Variants in XPA observed in about 807,000 individuals in gnomAD.
XPA encodes the protein DNA repair protein complementing XP-A cells.
In XPA, 27 loss-of-function variants were observed where a neutral mutation model predicts 35.7. The ratio of observed to expected loss-of-function variants is 0.76; its 90% CI spans 0.56 to 1.04. The LOEUF (loss-of-function observed/expected upper bound fraction) is 1.04, where lower values mean the gene tolerates loss of function less well. Among genes scored for constraint, XPA ranks in the 50% least tolerant of loss-of-function variants. XPA has a pLI of 0.00. For synonymous variants in XPA, 133 were observed against 118.4 expected (o/e 1.12, Z -0.80); for missense variants, 354 against 342.7 (o/e 1.03, Z -0.26).
the XPA span, chr9:97,669,094 A>G: frequency 8.4e-7 from 1 of 1,183,822 alleles, no homozygotes; most frequent in Admixed American, 2.7e-5. Context: ...AAGAGATTAA[A>G]AATACAAAAA....
At chr9:97,667,418 G>A in the XPA span, among the ~76,000 whole-genome samples, 33,566 of 152,026 alleles carry the variant, frequency 0.22, 4,550 homozygotes, top group Non-Finnish European at 0.31. Flanking sequence ...AGTAGAAGGT[G>A]AAAAAAAGTT....
intron 5 of XPA, 140 bp from the exon 6 acceptor site, chr9:97,675,727 A>G: frequency 2.8e-6 from 3 of 1,085,244 alleles, no homozygotes; most frequent in Non-Finnish European, 4.1e-6. Flanking sequence ...CCTTAATTTT[A>G]TAACAAAGTT....
the XPA span, chr9:97,660,891 A>T: frequency 6.5e-7 from 1 of 1,539,760 alleles, no homozygotes; most frequent in South Asian, 1.2e-5. Flanking sequence ...ACTGTTCATT[A>T]GAATAGTCTT....
At chr9:97,682,152 C>G (rs1458483155) in intron 5 of XPA, 1 of 395,146 alleles carries the variant, frequency 2.5e-6, no homozygotes, top group East Asian at 7.1e-5. Flanking sequence ...TCTCAAACTG[C>G]TAAAGTAGAA....
At chr9:97,671,369 A>G (rs1828187906), downstream of XPA, 2 of 548,542 alleles carry the variant, frequency 3.6e-6, no homozygotes, top group Non-Finnish European at 6.4e-6. Context: ...TGCCCTGAAA[A>G]GCAAATACTT....
intron 5 of XPA, 188 bp from the exon 6 acceptor site, chr9:97,675,775 C>G: frequency 1.5e-6 from 1 of 678,666 alleles, no homozygotes. Flanking sequence ...TCTTACCTCA[C>G]TAGTTCGGCC....
chr9:97,656,040 G>C, the XPA span: 1 of 1,614,066 alleles, frequency 6.2e-7, no homozygotes, highest in South Asian at 1.1e-5. Flanking sequence ...GATCCTGAAA[G>C]TCCCAAACCG....
At chr9:97,669,219 G>A in the XPA span, among the ~76,000 whole-genome samples, 1 of 151,716 alleles carries the variant, frequency 6.6e-6, no homozygotes, top group African/African-American at 2.4e-5. Context: ...AAAAAATTGT[G>A]GGTTGCTTTT....
chr9:97,673,480 C>T (rs1828259117), downstream of XPA: 1 of 152,240 alleles, frequency 6.6e-6, no homozygotes, highest in East Asian at 1.9e-4. Context: ...TCTCTTGGTC[C>T]TCTCTTCATG....
the XPA span, chr9:97,669,021 C>G: frequency 4.6e-6 from 7 of 1,512,596 alleles, no homozygotes; most frequent in South Asian, 7.5e-5. Flanking sequence ...CAATACATTT[C>G]TTTAGTTTTA....
intron 5 of XPA, among the ~76,000 whole-genome samples, chr9:97,677,389 TAAGA>T (rs1828398845): frequency 6.6e-6 from 1 of 152,064 alleles, no homozygotes; most frequent in South Asian, 2.1e-4. Flanking sequence ...TGCCAGAAAG[TAAGA>T]AAGTATTCGG....
the XPA span, chr9:97,656,140 C>A: frequency 7.3e-7 from 1 of 1,366,274 alleles, no homozygotes; most frequent in Non-Finnish European, 1.0e-6. Context: ...TCTTTCTCTT[C>A]TCTGCACTTG....
the XPA span, chr9:97,654,974 G>C: frequency 6.7e-7 from 1 of 1,491,616 alleles, no homozygotes; most frequent in Non-Finnish European, 9.0e-7. Context: ...GCTGAGCTGA[G>C]TTAGCAGCTT....
chr9:97,669,709 A>G, the XPA span: 1 of 1,544,252 alleles, frequency 6.5e-7, no homozygotes, highest in Non-Finnish European at 9.0e-7. Context: ...TCCTACAGGT[A>G]TGTGGGGAAC....
the XPA span, among the ~76,000 whole-genome samples, chr9:97,659,979 G>A: frequency 6.6e-6 from 1 of 152,034 alleles, no homozygotes; most frequent in Non-Finnish European, 1.5e-5. Flanking sequence ...GCCCTTTCTA[G>A]CTCCACTTCC....
chr9:97,654,760 A>G, the XPA span: 1 of 886,826 alleles, frequency 1.1e-6, no homozygotes, highest in South Asian at 1.5e-5. Context: ...TGATTGTGTG[A>G]AAAGATGTTC....
At chr9:97,676,443 GTTC>G (rs1828368159) in intron 5 of XPA, among the ~76,000 whole-genome samples, 1 of 152,184 alleles carries the variant, frequency 6.6e-6, no homozygotes, top group South Asian at 2.1e-4. Context: ...GATCCACCCA[GTTC>G]TTCATTATCT....
Position 97,689,690 on chromosome 9 carries a change from A to G in XPA, c.284-51T>C, listed in dbSNP as rs528292143. The G allele has an allele frequency of 2.7e-5, 29 of 1,072,650 alleles. No individual in the cohort carries two copies. The African/African-American group carries it at 4.1e-4, about 15-fold the overall frequency. 66.4% of individuals were successfully genotyped at this position (1,072,650 alleles called of 1,614,324 possible). On this transcript the variant is annotated intron_variant, in intron 2 of 5. Transcript: ENST00000375128. Reference sequence around the variant, plus strand: ...TTTCCTTTTTTATGACTAGAACAATATATTTTCCTCTATTTTATTAGCTTA... The same window carrying G: ...TTTCCTTTTTTATGACTAGAACAATGTATTTTCCTCTATTTTATTAGCTTA...
At chr9:97,655,665 T>G in the XPA span, 6 of 1,538,630 alleles carry the variant, frequency 3.9e-6, no homozygotes, top group African/African-American at 6.9e-5. Flanking sequence ...CAGTTATTCT[T>G]CCTTTTTCTC....
Sources: gnomAD v4.1 joint callset for allele counts (sites outside exome capture counted in the v4.1 genomes callset) on GRCh38, gnomAD v4.1.1 for gene constraint, MANE v1.5 for transcripts, NCBI Gene and HGNC (gene_info 2026-07-23, HGNC 2026-07-21) for gene names.